HNRNPK: variants seen among roughly 807,000 people sequenced by gnomAD.
HNRNPK encodes the protein dC-stretch binding protein.
In HNRNPK, 7 loss-of-function variants were observed where a neutral mutation model predicts 67.0. The observed-to-expected ratio is 0.10, with a 90% confidence interval of 0.06 to 0.20. The LOEUF is 0.20. HNRNPK is among the 10% of genes least tolerant of loss of function. The pLI, the probability that HNRNPK is intolerant of heterozygous loss-of-function variation, is 1.00. For synonymous variants in HNRNPK, 213 were observed against 193.7 expected, an observed-to-expected ratio of 1.10 and a Z score of -0.83; for missense variants, 264 against 606.5, an observed-to-expected ratio of 0.44 and a Z score of 5.93.
chr9:83,973,343 C>T lies in HNRNPK; in HGVS notation c.459G>A (p.Gln153=), dbSNP rs750859363. Residue 153 remains glutamine (Q), a synonymous_variant, in exon 9 of 17, where the codon CAG becomes CAA. Transcript: ENST00000376263. ...CCCCAATAATTCCTCCTGCTAGACTCTGATGAATCAACAGCCTCAACTCGC... is the reference window on the plus strand; with the variant it reads ...CCCCAATAATTCCTCCTGCTAGACTTTGATGAATCAACAGCCTCAACTCGC... The part of the protein sequence containing the change: ...FDCELRLLIH[Q]SLAGGIIGVK... 3.7e-6 allele frequency: 6 copies of T among 1,611,660 alleles called. No individual in the cohort carries two copies. The highest frequency in any genetic ancestry group is 4.2e-6 in the Non-Finnish European group (5 of 1,178,380).
intron 13 of HNRNPK, 112 bp downstream of exon 13, chr9:83,971,161 T>A (rs1056758672): frequency 1.2e-6 from 1 of 865,992 alleles, no homozygotes; most frequent in African/African-American, 1.7e-5. Flanking sequence ...ACCAAAGTCC[T>A]CCTGTATCCT....
At chr9:83,972,742 G>A in intron 10 of HNRNPK, 102 bp downstream of exon 10, 1 of 793,090 alleles carries the variant, frequency 1.3e-6, no homozygotes, top group Non-Finnish European at 1.9e-6. Context: ...TAGGGAAAGG[G>A]CAAATAAAGA....
At chr9:83,976,923 G>T in intron 5 of HNRNPK, 72 bp downstream of exon 5, 1 of 825,678 alleles carries the variant, frequency 1.2e-6, no homozygotes, top group Non-Finnish European at 2.0e-6. Context: ...TTTCTAGGAT[G>T]TAAATCTTTA....
intron 7 of HNRNPK, 96 bp downstream of exon 7, chr9:83,974,421 A>C (rs1186305341): frequency 5.0e-6 from 3 of 599,492 alleles, no homozygotes; most frequent in Non-Finnish European, 8.8e-6. Flanking sequence ...TGTCATATCC[A>C]TTGTCTCTCC....
intron 8 of HNRNPK, 61 bp downstream of exon 8, chr9:83,973,841 A>G: frequency 1.6e-6 from 2 of 1,235,456 alleles, no homozygotes; most frequent in Non-Finnish European, 1.2e-6. Context: ...TGTTAAAAAT[A>G]TAATCGATCC....
intron 6 of HNRNPK, 113 bp downstream of exon 6, chr9:83,975,349 G>T (rs1232037774): frequency 2.0e-6 from 2 of 989,064 alleles, no homozygotes; most frequent in East Asian, 5.1e-5. Context: ...ACAGAAACTT[G>T]AAAAACAATA....
At chr9:83,980,028 G>A (rs915055852) in intron 1 of HNRNPK, 125 bp downstream of exon 1, 5 of 152,738 alleles carry the variant, frequency 3.3e-5, no homozygotes, top group African/African-American at 9.7e-5. Context: ...AGGGGACACC[G>A]GGCAACGTTC....
intron 5 of HNRNPK, 116 bp downstream of exon 5, chr9:83,976,879 T>A: frequency 1.6e-6 from 1 of 617,148 alleles, no homozygotes; most frequent in South Asian, 2.8e-5. Flanking sequence ...TAATAAATTA[T>A]TACAAATGTC....
rs752983193 is a variant in HNRNPK at position 83,968,486 on chromosome 9, T to C, written c.*921A>G. 6.5e-6 allele frequency: 1 copy of C among 152,700 alleles called. No homozygotes were observed. Among genetic ancestry groups the C allele is most frequent in the Admixed American group, 6.5e-5 (1 of 15,282 alleles). 9.5% of individuals were successfully genotyped at this position (152,700 alleles called of 1,614,324 possible). ...TAAAAATAATCAATTTTTTCAGCAT[T>C]AGTCACTTCCATAACCAAGTGTTAT... On this transcript the variant is annotated 3_prime_UTR_variant, in exon 17 of 17. Transcript: ENST00000376263.
chr9:83,972,311 C>G lies in HNRNPK; in HGVS notation c.646-122G>C, dbSNP rs181601071. 26 of 710,346 alleles carry G rather than the reference C, an allele frequency of 3.7e-5. 1 individual carries two copies. The East Asian group carries it at 7.5e-4, about 21-fold the overall frequency. 44.0% of individuals were successfully genotyped at this position (710,346 alleles called of 1,614,324 possible). The stretch of plus-strand genomic sequence containing the variant: ...TTCCCCCATCAGGAGGTACTAGAGA[C>G]AGAAACAGGAATTATGTCAACGCTA... On this transcript the variant is annotated intron_variant, in intron 10 of 16. Coordinates refer to ENST00000376263, the MANE Select transcript of HNRNPK (RefSeq NM_031263.4).
chr9:83,977,875 G>T, intron 3 of HNRNPK, 89 bp from the exon 4 acceptor site: 2 of 831,502 alleles, frequency 2.4e-6, no homozygotes, highest in Non-Finnish European at 3.9e-6. Flanking sequence ...GCTAATCTTA[G>T]GCATGTTTTG....
At chr9:83,973,801 T>A in intron 8 of HNRNPK, 101 bp downstream of exon 8, 1 of 860,470 alleles carries the variant, frequency 1.2e-6, no homozygotes. Flanking sequence ...TTTTTAAGCC[T>A]TTTTCTATAG....
Position 83,977,604 on chromosome 9 carries a change from C to CT in HNRNPK, c.156+84dup, listed in dbSNP as rs1238279561. The stretch of plus-strand genomic sequence containing the variant: ...GTTTTATATTCTTCAATCTGTAAAA[C>CT]TTTGACTTTCTAGAAAGCCAAACCA... On this transcript the variant is annotated intron_variant, in intron 4 of 16. Transcript: ENST00000376263. 4.1e-6 allele frequency: 3 copies of CT among 739,656 alleles called. No individual in the cohort carries two copies. In the African/African-American group the frequency reaches 5.4e-5, roughly 13 times the overall value. 45.8% of individuals were successfully genotyped at this position (739,656 alleles called of 1,614,324 possible). A position where few individuals can be genotyped will look rare whatever the true frequency, so the allele number is the denominator to read the frequency against.
chr9:83,978,110 C>T, intron 3 of HNRNPK, 85 bp downstream of exon 3: 1 of 860,508 alleles, frequency 1.2e-6, no homozygotes, highest in Non-Finnish European at 1.9e-6. Context: ...AAATTCACCA[C>T]ACACTCCTAA....
At position 83,972,391 on chromosome 9, in the gene HNRNPK, C is replaced by T; in HGVS notation, c.646-202G>A. On this transcript the variant is annotated intron_variant, in intron 10 of 16. Coordinates refer to ENST00000376263, the MANE Select transcript of HNRNPK (RefSeq NM_031263.4). ...TCCAATACTTTTGGCAAATGCTAAACAAAAGTGAGTTCTATTGCCTATACA... is the reference window on the plus strand; with the variant it reads ...TCCAATACTTTTGGCAAATGCTAAATAAAAGTGAGTTCTATTGCCTATACA... 5.3e-6 allele frequency: 3 copies of T among 562,408 alleles called. No individual in the cohort carries two copies. The South Asian group carries it at 7.4e-5, about 14-fold the overall frequency. The allele number at this position is 562,408 out of a possible 1,614,324, so 34.8% of individuals were successfully genotyped here. A position where few individuals can be genotyped will look rare whatever the true frequency, so the allele number is the denominator to read the frequency against.
chr9:83,970,369 C>CT, intron 15 of HNRNPK, 38 bp from the exon 16 acceptor site: 5 of 1,496,726 alleles, frequency 3.3e-6, no homozygotes, highest in Non-Finnish European at 4.6e-6. Context: ...TTACGATATA[C>CT]TTTTAACATT....
At chr9:83,973,081 A>G in intron 9 of HNRNPK, 109 bp from the exon 10 acceptor site, 1 of 838,868 alleles carries the variant, frequency 1.2e-6, no homozygotes, top group South Asian at 1.8e-5. Context: ...ACAATATAAA[A>G]ACTTCATTAA....
chr9:83,977,046 A>G lies in HNRNPK; in HGVS notation c.162T>C (p.Ala54=). ...ELRILLQSKN[A]GAVIGKGGKN... is the part of the protein sequence containing the mutation. ...TGCCTCCTTTTCCAATCACTGCCCCAGCATTCTGGAGAAGATACAAAGACA... is the reference window on the plus strand; with the variant it reads ...TGCCTCCTTTTCCAATCACTGCCCCGGCATTCTGGAGAAGATACAAAGACA... Residue 54 remains alanine (A), a synonymous_variant, in exon 5 of 17, where the codon GCT becomes GCC. Coordinates refer to ENST00000376263, the MANE Select transcript of HNRNPK (RefSeq NM_031263.4). 2 of 1,609,908 alleles carry G rather than the reference A, an allele frequency of 1.2e-6. No homozygotes were observed. Among genetic ancestry groups the G allele is most frequent in the Non-Finnish European group, 1.7e-6 (2 of 1,176,216 alleles).
Position 83,972,201 on chromosome 9 carries a change from G to A in HNRNPK, c.646-12C>T, listed in dbSNP as rs1956877189. On this transcript the variant is annotated splice_polypyrimidine_tract_variant and intron_variant, in intron 10 of 16. Coordinates refer to ENST00000376263, the MANE Select transcript of HNRNPK (RefSeq NM_031263.4). The stretch of plus-strand genomic sequence containing the variant: ...CCTTTGATGGGAGACTAAAAACAGA[G>A]ATGGAACAAACTTACAGACTGAAGA... 1 of 1,568,838 alleles carries A rather than the reference G, an allele frequency of 6.4e-7. No individual in the cohort carries two copies. Among genetic ancestry groups the A allele is most frequent in the Non-Finnish European group, 8.7e-7 (1 of 1,155,622 alleles).
Sources: gnomAD v4.1 joint callset for allele counts on GRCh38, gnomAD v4.1.1 for gene constraint, MANE v1.5 for transcripts, NCBI Gene and HGNC (gene_info 2026-07-23, HGNC 2026-07-21) for gene names.